Variants in CDKL1 observed in about 807,000 individuals in gnomAD.
The protein encoded by CDKL1 is cyclin-dependent kinase-like 1.
A neutral mutation model predicts 42.0 loss-of-function variants in CDKL1; 41 were observed. That is an observed-to-expected ratio of 0.98 (90% CI 0.76 to 1.27). The LOEUF (loss-of-function observed/expected upper bound fraction) is 1.27, where lower values mean the gene tolerates loss of function less well. CDKL1 is among the 50% of genes most tolerant of loss of function. The pLI is 0.00. For missense variants in CDKL1, 394 were observed against 428.4 expected (o/e 0.92, Z 0.71); for synonymous variants, 153 against 158.6 (o/e 0.96, Z 0.26).
At chr14:50,359,797 T>TAAAA (rs10672836) in intron 2 of CDKL1, among the ~76,000 whole-genome samples, 10 of 120,878 alleles carry the variant, frequency 8.3e-5, no homozygotes, top group African/African-American at 2.2e-4. Flanking sequence ...GTGTCTAGAT[T>TAAAA]AAAAAAAAAA....
At chr14:50,342,893 CA>C in intron 4 of CDKL1, 1 of 1,306,222 alleles carries the variant, frequency 7.7e-7, no homozygotes, top group Non-Finnish European at 1.0e-6. Context: ...CAAGAGTAGG[CA>C]GCAGCCCTCA....
intron 2 of CDKL1, among the ~76,000 whole-genome samples, chr14:50,380,811 T>TTTTTTTTTTTTC (rs1473723543): frequency 6.6e-6 from 1 of 151,478 alleles, no homozygotes; most frequent in African/African-American, 2.4e-5. Flanking sequence ...CCTTTTTTTT[T>TTTTTTTTTTTTC]TGGGACAGAG....
chr14:50,330,421 G>GA (rs1327994807), intron 9 of CDKL1: 2 of 416,160 alleles, frequency 4.8e-6, no homozygotes, highest in South Asian at 6.6e-5. Flanking sequence ...ATGAAAAGGG[G>GA]AAAATCTACA....
intron 2 of CDKL1, among the ~76,000 whole-genome samples, chr14:50,389,632 C>A (rs2035193973): frequency 6.6e-6 from 1 of 151,988 alleles, no homozygotes; most frequent in East Asian, 1.9e-4. Context: ...GGTGGCAAAC[C>A]TACAAAGGTT....
At chr14:50,359,797 T>TAAAAAAAAAAA (rs10672836) in intron 2 of CDKL1, among the ~76,000 whole-genome samples, 1 of 120,928 alleles carries the variant, frequency 8.3e-6, no homozygotes, top group African/African-American at 3.2e-5. Context: ...GTGTCTAGAT[T>TAAAAAAAAAAA]AAAAAAAAAA....
intron 5 of CDKL1, among the ~76,000 whole-genome samples, chr14:50,341,815 A>C (rs1380806732): frequency 6.6e-6 from 1 of 151,718 alleles, no homozygotes; most frequent in Non-Finnish European, 1.5e-5. Flanking sequence ...AGGTGATTCT[A>C]ATCTGCCTCC....
chr14:50,326,553 G>A lies in CDKL1; in HGVS notation c.*3521C>T. 2.0e-6 allele frequency: 2 copies of A among 985,406 alleles called. No individual in the cohort carries two copies. The highest frequency in any genetic ancestry group is 2.4e-6 in the Non-Finnish European group (2 of 829,926). 61.0% of individuals were successfully genotyped at this position (985,406 alleles called of 1,614,324 possible). ...GCATTTCCCATGATCCTGCATTCTTGTGTTCTTGATAGCATACAGACTTAC... is the reference window on the plus strand; with the variant it reads ...GCATTTCCCATGATCCTGCATTCTTATGTTCTTGATAGCATACAGACTTAC... On this transcript the variant is annotated 3_prime_UTR_variant, in exon 10 of 10. Coordinates refer to ENST00000395834, the MANE Select transcript of CDKL1 (RefSeq NM_004196.7).
intron 2 of CDKL1, among the ~76,000 whole-genome samples, chr14:50,367,827 T>C (rs1371537305): frequency 6.6e-6 from 1 of 152,244 alleles, no homozygotes; most frequent in East Asian, 1.9e-4. Context: ...GTTAATGCTC[T>C]ATCTAGAAGC....
intron 2 of CDKL1, among the ~76,000 whole-genome samples, chr14:50,394,962 T>A (rs948189710): frequency 1.3e-5 from 2 of 151,996 alleles, no homozygotes; most frequent in African/African-American, 4.8e-5. Flanking sequence ...CATAGCAAGA[T>A]CCCATCTCTA....
In CDKL1 at chr14:50,341,078, T is replaced by C. The variant is rs1047948945; in HGVS notation, c.609A>G (p.Pro203=). Reference sequence around the variant, plus strand: ...ACAGCTGATCCACATCCGATTTTCCTGGCCACAGAGGCACTCCTGACAGCA... The same window carrying C: ...ACAGCTGATCCACATCCGATTTTCCCGGCCACAGAGGCACTCCTGACAGCA... ...AELLSGVPLW[P]GKSDVDQLYL... is the part of the protein sequence containing the mutation. The change falls in exon 6 of 10, where the codon CCA becomes CCG. Residue 203 remains proline, a synonymous_variant. Coordinates refer to ENST00000395834, the MANE Select transcript of CDKL1 (RefSeq NM_004196.7). 13 of 1,614,014 alleles carry C rather than the reference T, an allele frequency of 8.1e-6. No individual in the cohort carries two copies. Among genetic ancestry groups the C allele is most frequent in the Non-Finnish European group, 9.3e-6 (11 of 1,180,044 alleles).
intron 5 of CDKL1, 116 bp downstream of exon 5, chr14:50,342,016 C>T: frequency 6.4e-6 from 5 of 775,198 alleles, no homozygotes; most frequent in Non-Finnish European, 1.1e-5. Flanking sequence ...TTATAGCACA[C>T]TTATGCCCTA....
chr14:50,396,974 C>A, upstream of CDKL1: 1 of 796,642 alleles, frequency 1.3e-6, no homozygotes. Flanking sequence ...CTTCCCACCC[C>A]CGGCCCGGCC....
rs2034703986 is a variant in CDKL1, at chr14:50,375,496, CA to C, written c.169-16348del. Among the ~76,000 whole-genome samples, 4 of 152,320 alleles carry C rather than the reference CA, an allele frequency of 2.6e-5. No individual in the cohort carries two copies. In the East Asian group the frequency reaches 7.7e-4, roughly 29 times the overall value. ...GAATGGCAGAAGAAAAGTCACTTTA[CA>C]GTGGAGAAACCTGACGACACTACCT... is the stretch of plus-strand genomic sequence containing the variant. On this transcript the variant is annotated intron_variant, in intron 2 of 9. Transcript: ENST00000395834.
intron 7 of CDKL1, 128 bp from the exon 8 acceptor site, chr14:50,334,749 C>T: frequency 3.0e-6 from 2 of 667,116 alleles, no homozygotes; most frequent in South Asian, 3.5e-5. Context: ...GCCCACCCAA[C>T]CTCCTGCCCA....
chr14:50,355,510 G>A (rs1425520452), intron 3 of CDKL1, among the ~76,000 whole-genome samples: 1 of 152,154 alleles, frequency 6.6e-6, no homozygotes. Flanking sequence ...ACCTTGTTAT[G>A]ATTATTCTTC....
At chr14:50,341,467 G>T (rs571426068) in intron 5 of CDKL1, among the ~76,000 whole-genome samples, 2 of 145,196 alleles carry the variant, frequency 1.4e-5, no homozygotes, top group Non-Finnish European at 3.0e-5. Flanking sequence ...GGGGGGGGGG[G>T]GGGGGTTATT....
intron 7 of CDKL1, among the ~76,000 whole-genome samples, chr14:50,337,015 TG>T: frequency 6.6e-6 from 1 of 152,334 alleles, no homozygotes; most frequent in African/African-American, 2.4e-5. Flanking sequence ...GTTTTGTTTT[TG>T]TTTTTGTTTT....
chr14:50,340,567 A>C (rs2033478253), intron 6 of CDKL1, among the ~76,000 whole-genome samples: 2 of 152,180 alleles, frequency 1.3e-5, no homozygotes, highest in Non-Finnish European at 2.9e-5. Context: ...GAGTGACATT[A>C]CAACTAGCTT....
Position 50,396,173 on chromosome 14 carries a change from GAGATTCCGTCTCAAAAAAAA to G in CDKL1, c.-325_-306del, listed in dbSNP as rs2035396639. The G allele has an allele frequency of 1.1e-6, 1 of 950,904 alleles. No homozygotes were observed. The highest frequency in any genetic ancestry group is 1.2e-6 in the Non-Finnish European group (1 of 825,196). The allele number at this position is 950,904 out of a possible 1,614,324, so 58.9% of individuals were successfully genotyped here. ...TGCACTCCAGCCCGGGCGACAGAGCGAGATTCCGTCTCAAAAAAAAAAAAAAAAAAAAAAAAAAAAGAAAG... is the reference window on the plus strand; with the variant it reads ...TGCACTCCAGCCCGGGCGACAGAGCGAAAAAAAAAAAAAAAAAAAAGAAAG... On this transcript the variant is annotated 5_prime_UTR_variant, in exon 2 of 10. Transcript: ENST00000395834.
Sources: allele counts gnomAD v4.1 joint callset (sites outside exome capture counted in the v4.1 genomes callset), GRCh38; gene constraint gnomAD v4.1.1; transcripts MANE v1.5; gene names NCBI Gene and HGNC (gene_info 2026-07-23, HGNC 2026-07-21).